The following HSD17B12 variants were observed in gnomAD, a reference collection of about 807,000 sequenced individuals.
HSD17B12 encodes the protein very-long-chain 3-oxoacyl-CoA reductase.
In HSD17B12, 32 loss-of-function variants were observed where a neutral mutation model predicts 39.3. That is an observed-to-expected ratio of 0.81 (90% CI 0.61 to 1.09). The LOEUF (loss-of-function observed/expected upper bound fraction) is 1.09. Among genes scored for constraint, HSD17B12 ranks in the 50% least tolerant of loss-of-function variants. The probability of loss-of-function intolerance (pLI) is 0.00; values close to 1 mark genes in which losing one functional copy is unlikely to be tolerated. For missense variants in HSD17B12, 342 were observed against 382.9 expected (o/e 0.89, Z 0.89); for synonymous variants, 150 against 146.7 (o/e 1.02, Z -0.16).
the HSD17B12 span, among the ~76,000 whole-genome samples, chr11:43,614,955 A>G: frequency 6.6e-6 from 1 of 151,486 alleles, no homozygotes; most frequent in Non-Finnish European, 1.5e-5. Context: ...GTTTCTTTTT[A>G]TTGCTTTTTC....
chr11:43,785,096 G>GT (rs34389751), intron 3 of HSD17B12, among the ~76,000 whole-genome samples: 221 of 149,712 alleles, frequency 1.5e-3, no homozygotes, highest in Middle Eastern at 6.9e-3. Flanking sequence ...AGTAAACAGG[G>GT]TTTTTTTTTT....
At chr11:43,826,243 C>T (rs544394965) in intron 6 of HSD17B12, among the ~76,000 whole-genome samples, 7 of 151,962 alleles carry the variant, frequency 4.6e-5, no homozygotes, top group East Asian at 3.9e-4. Context: ...CCACCACGCC[C>T]GGCTAATTTT....
chr11:43,674,317 C>T, the HSD17B12 span, among the ~76,000 whole-genome samples: 1 of 152,100 alleles, frequency 6.6e-6, no homozygotes, highest in Non-Finnish European at 1.5e-5. Context: ...ATTTATTCAG[C>T]GACAAAGGAT....
chr11:43,676,820 A>T (rs1249255873), upstream of HSD17B12, among the ~76,000 whole-genome samples: 1 of 152,206 alleles, frequency 6.6e-6, no homozygotes, highest in African/African-American at 2.4e-5. Flanking sequence ...GCAACAAAAA[A>T]TATGTATTGT....
rs115567322 is a variant in HSD17B12 at position 43,842,540 on chromosome 11, C to T, written c.684+2476C>T. The stretch of plus-strand genomic sequence containing the variant: ...TTACTGTACTCTCTTTTTCCCCTTT[C>T]CTTGACACCAGTCATTTTAATGTTA... On this transcript the variant is annotated intron_variant, in intron 9 of 10. Transcript: ENST00000278353. Among the ~76,000 whole-genome samples, 962 of 152,276 alleles carry T rather than the reference C, an allele frequency of 6.3e-3. 13 individuals carry two copies. The highest frequency in any genetic ancestry group is 0.022 in the African/African-American group (919 of 41,564).
At chr11:43,616,511 T>C in the HSD17B12 span, among the ~76,000 whole-genome samples, 1 of 151,754 alleles carries the variant, frequency 6.6e-6, no homozygotes, top group East Asian at 1.9e-4. Flanking sequence ...AGCTAAAGTA[T>C]TGAATGCTCA....
At chr11:43,809,481 T>A (rs944004826) in intron 4 of HSD17B12, among the ~76,000 whole-genome samples, 1 of 152,214 alleles carries the variant, frequency 6.6e-6, no homozygotes, top group African/African-American at 2.4e-5. Context: ...TTTTAAAAAT[T>A]CAGTTTATTT....
At chr11:43,620,761 C>A in the HSD17B12 span, among the ~76,000 whole-genome samples, 2 of 152,194 alleles carry the variant, frequency 1.3e-5, no homozygotes, top group East Asian at 3.9e-4. Context: ...GAAGGCTGAG[C>A]AGCCTAAAAG....
At chr11:43,588,051 C>T in the HSD17B12 span, among the ~76,000 whole-genome samples, 330 of 152,346 alleles carry the variant, frequency 2.2e-3, no homozygotes, top group Middle Eastern at 6.8e-3. Context: ...GGTCTGTGTG[C>T]AAAGGTTTCA....
the HSD17B12 span, among the ~76,000 whole-genome samples, chr11:43,641,442 A>T: frequency 6.6e-6 from 1 of 152,016 alleles, no homozygotes; most frequent in African/African-American, 2.4e-5. Context: ...ATGTAAACTA[A>T]TGTGATAAAC....
the HSD17B12 span, among the ~76,000 whole-genome samples, chr11:43,595,760 C>T: frequency 1.5e-4 from 23 of 152,296 alleles, no homozygotes; most frequent in African/African-American, 4.6e-4. Flanking sequence ...TGAACATATA[C>T]GCTCATGGAT....
At chr11:43,570,609 A>G in the HSD17B12 span, among the ~76,000 whole-genome samples, 1,544 of 152,226 alleles carry the variant, frequency 0.01, 15 homozygotes, top group Middle Eastern at 0.017. Context: ...CTCTTTACCC[A>G]AATGCTCTTC....
At chr11:43,658,363 C>T in the HSD17B12 span, among the ~76,000 whole-genome samples, 803 of 152,076 alleles carry the variant, frequency 5.3e-3, 6 homozygotes, top group African/African-American at 0.018. Context: ...CGGAGTAGTT[C>T]GATCTTCTGA....
At chr11:43,774,987 G>A (rs1211202346) in intron 3 of HSD17B12, among the ~76,000 whole-genome samples, 1 of 152,176 alleles carries the variant, frequency 6.6e-6, no homozygotes, top group Non-Finnish European at 1.5e-5. Flanking sequence ...ATTATCTCTG[G>A]TGGGCCTCAC....
the HSD17B12 span, among the ~76,000 whole-genome samples, chr11:43,668,728 G>T: frequency 2.0e-5 from 3 of 151,878 alleles, no homozygotes. Flanking sequence ...TTTGAGACAG[G>T]GTCTTGCTCT....
the HSD17B12 span, among the ~76,000 whole-genome samples, chr11:43,570,911 A>G: frequency 6.6e-6 from 1 of 152,244 alleles, no homozygotes; most frequent in Non-Finnish European, 1.5e-5. Context: ...ATTCAGATCC[A>G]ATTCATTATT....
chr11:43,854,090 CCAAA>C (rs1457028544), intron 9 of HSD17B12: 5 of 152,108 alleles, frequency 3.3e-5, no homozygotes, highest in African/African-American at 7.2e-5. Flanking sequence ...TTTTAGTTAC[CCAAA>C]CAGTTTCCAT....
At chr11:43,758,614 A>T (rs1023946404) in intron 3 of HSD17B12, among the ~76,000 whole-genome samples, 3 of 152,182 alleles carry the variant, frequency 2.0e-5, no homozygotes, top group Non-Finnish European at 4.4e-5. Flanking sequence ...GCTACCACGG[A>T]AGTTCTCTGG....
chr11:43,753,384 CTTTT>C (rs59565155), intron 2 of HSD17B12, among the ~76,000 whole-genome samples: 1 of 73,390 alleles, frequency 1.4e-5, no homozygotes. Flanking sequence ...GCAGCAAAAA[CTTTT>C]TTTTTTTTTT....
Sources: gnomAD v4.1 joint callset for allele counts (sites outside exome capture counted in the v4.1 genomes callset) on GRCh38, gnomAD v4.1.1 for gene constraint, MANE v1.5 for transcripts, NCBI Gene and HGNC (gene_info 2026-07-23, HGNC 2026-07-21) for gene names.